STAB1: variants seen among roughly 807,000 people sequenced by gnomAD.
STAB1 encodes the protein stabilin 1.
A neutral mutation model predicts 332.4 loss-of-function variants in STAB1; 250 were observed. That is an observed-to-expected ratio of 0.75 (90% confidence interval 0.68 to 0.84). STAB1 has a LOEUF of 0.84. Ranked by LOEUF, STAB1 falls within the 40% of genes least tolerant of loss-of-function variation. The pLI is 0.00. For missense variants in STAB1, 3,249 were observed against 3,489.7 expected (o/e 0.93, Z 1.74); for synonymous variants, 1,475 against 1,390.4 (o/e 1.06, Z -1.35).
rs1708607836 is a variant in STAB1, at chr3:52,503,522, G to A, written c.873G>A (p.Val291=). The change falls in exon 8 of 69, where the codon GTG becomes GTA. Residue 291 remains valine, a synonymous_variant. Transcript: ENST00000321725. The stretch of plus-strand genomic sequence containing the variant: ...GCCCCAGCAACTCTACTTTGTGTGT[G>A]TACCAGAAGCCGGGCCAGGTGAGCC... ...GGCPSNSTLC[V]YQKPGQAFCT... 1.9e-6 allele frequency: 3 copies of A among 1,613,516 alleles called. No homozygotes were observed. Among genetic ancestry groups the A allele is most frequent in the Non-Finnish European group, 2.5e-6 (3 of 1,179,970 alleles).
At position 52,520,917 on chromosome 3, in the gene STAB1, A is replaced by G; in HGVS notation, c.5820A>G (p.Gln1940=). 1.9e-6 allele frequency: 3 copies of G among 1,601,420 alleles called. No homozygotes were observed. Among genetic ancestry groups the G allele is most frequent in the African/African-American group, 1.3e-5 (1 of 74,670 alleles). Residue 1940 remains glutamine (Q), a synonymous_variant, in exon 55 of 69, where the codon CAA becomes CAG. Coordinates refer to ENST00000321725, the MANE Select transcript of STAB1 (RefSeq NM_015136.3). The stretch of plus-strand genomic sequence containing the variant: ...ACCCCAGCCTTTGGGGTAGGCCCCA[A>G]GGCCTGGGCAGGGGCTGCCACCGCA... ...WVHPSLWGRP[Q]GLGRGCHRNC...
Position 52,518,824 on chromosome 3 carries a change from C to T in STAB1, c.4989C>T (p.Tyr1663=), listed in dbSNP as rs771622439. The change falls in exon 48 of 69, where the codon TAC becomes TAT. Residue 1663 remains tyrosine (Y), a synonymous_variant. Transcript: ENST00000321725. ...LRSEDLLEQG[Y]ATALSGHPLR... The stretch of plus-strand genomic sequence containing the variant: ...GCGAGGACCTGCTGGAGCAGGGGTA[C>T]GCCACGGCCCTCTCAGGGCACCCAC... 28 of 1,609,462 alleles carry T rather than the reference C, an allele frequency of 1.7e-5. No individual in the cohort carries two copies. Among genetic ancestry groups the T allele is most frequent in the Non-Finnish European group, 2.1e-5 (25 of 1,179,426 alleles).
intron 1 of STAB1, among the ~76,000 whole-genome samples, chr3:52,496,000 G>C (rs1003347600): frequency 1.3e-5 from 2 of 152,230 alleles, no homozygotes; most frequent in Non-Finnish European, 2.9e-5. Context: ...TTCAGCCTCA[G>C]AGCTGCCACA....
In STAB1 at chr3:52,513,910, C is replaced by A; in HGVS notation, c.3376C>A (p.Pro1126Thr). Residue 1126 changes from proline to threonine, a missense_variant, in exon 32 of 69, where the codon CCC (proline) becomes ACC (threonine). Coordinates refer to ENST00000321725, the MANE Select transcript of STAB1 (RefSeq NM_015136.3). ...CTTACTGCCCCCCCGAGGGGATGTG[C>A]CCGGTGGGCAGGGGTTGCTGCAGCA... is the stretch of plus-strand genomic sequence containing the variant. The part of the protein sequence containing the change: ...QVLLPPRGDV[P>T]GGQGLLQQLD... 6.2e-7 allele frequency: 1 copy of A among 1,604,910 alleles called. No individual in the cohort carries two copies. Among genetic ancestry groups the A allele is most frequent in the Non-Finnish European group, 8.5e-7 (1 of 1,173,616 alleles).
At chr3:52,516,501 TCCTGGGTCTGAATGA>T (rs767765210) in intron 39 of STAB1, 26 bp from the exon 40 acceptor site, 1 of 1,613,416 alleles carries the variant, frequency 6.2e-7, no homozygotes. Flanking sequence ...AGGAGGCTGT[TCCTGGGTCTGAATGA>T]CCAGAGTCAT....
chr3:52,509,241 G>A lies in STAB1; in HGVS notation c.2267G>A (p.Cys756Tyr). 6.2e-7 allele frequency: 1 copy of A among 1,613,640 alleles called. No homozygotes were observed. The highest frequency in any genetic ancestry group is 8.5e-7 in the Non-Finnish European group (1 of 1,180,004). Residue 756 changes from cysteine to tyrosine, a missense_variant, in exon 22 of 69, where the codon TGC (cysteine) becomes TAC (tyrosine). Transcript: ENST00000321725. Reference protein sequence around the residue: ...CSDGIQGNGACLCFPDYKGIA... With the variant: ...CSDGIQGNGAYLCFPDYKGIA... ...GATGGGATCCAGGGCAATGGGGCCT[G>A]CCTCTGCTTCCCAGACTACAAGGGC...
chr3:52,510,255 C>A lies in STAB1; in HGVS notation c.2628+20C>A. ...GAGAATGTCAGTCCCCTTGCTCCTT[C>A]CCTGAAGTTCTGACCCAGAGGCAGG... On this transcript the variant is annotated intron_variant, in intron 24 of 68. Transcript: ENST00000321725. 1 of 1,614,048 alleles carries A rather than the reference C, an allele frequency of 6.2e-7. No individual in the cohort carries two copies. The highest frequency in any genetic ancestry group is 8.5e-7 in the Non-Finnish European group (1 of 1,180,006).
At position 52,519,436 on chromosome 3, in the gene STAB1, A is replaced by G. The variant is rs368033954; in HGVS notation, c.5175+32A>G. On this transcript the variant is annotated intron_variant, in intron 49 of 68. Transcript: ENST00000321725. ...CAAGCACGGGCCTGGGAGCTGGAAG[A>G]CAGGCAGGTGGGGGCCTGGGATCCT... The G allele has an allele frequency of 8.7e-6, 14 of 1,611,762 alleles. No homozygotes were observed. In the African/African-American group the frequency reaches 1.7e-4, roughly 20 times the overall value.
chr3:52,515,921 T>C, intron 37 of STAB1, 122 bp from the exon 38 acceptor site: 3 of 1,131,806 alleles, frequency 2.7e-6, no homozygotes, highest in Non-Finnish European at 2.4e-6. Flanking sequence ...TGCTCATCCC[T>C]GGGACTGGGG....
rs763139763 is a variant in STAB1, at chr3:52,510,229, A to G, written c.2622A>G (p.Ser874=). 1.2e-5 allele frequency: 19 copies of G among 1,613,960 alleles called. No homozygotes were observed. The Admixed American group carries it at 2.7e-4, about 23-fold the overall frequency. ...PCSHPDRGGC[S]ENAECVPGSL... ...CCCACCCGGACCGTGGAGGCTGCTC[A>G]GAGAATGTCAGTCCCCTTGCTCCTT... is the stretch of plus-strand genomic sequence containing the variant. Residue 874 remains serine, a synonymous_variant, in exon 24 of 69, where the codon TCA becomes TCG. Transcript: ENST00000321725.
In STAB1 at chr3:52,521,713, G is replaced by C. The variant is rs369022432; in HGVS notation, c.6163+13G>C. On this transcript the variant is annotated intron_variant, in intron 57 of 68. Coordinates refer to ENST00000321725, the MANE Select transcript of STAB1 (RefSeq NM_015136.3). ...GAGGTGCAACTGGGTGAGTAGCCCC[G>C]TGCTCGTGCCCACCCTACACACTTG... 4 of 1,611,972 alleles carry C rather than the reference G, an allele frequency of 2.5e-6. No homozygotes were observed. Among genetic ancestry groups the C allele is most frequent in the Non-Finnish European group, 3.4e-6 (4 of 1,179,534 alleles).
chr3:52,522,196 G>A lies in STAB1; in HGVS notation c.6431G>A (p.Cys2144Tyr), dbSNP rs1296654723. The A allele has an allele frequency of 5.0e-6, 8 of 1,612,726 alleles. No homozygotes were observed. The highest frequency in any genetic ancestry group is 1.7e-5 in the Admixed American group (1 of 60,018). The change falls in exon 59 of 69, where the codon TGC becomes TAC. Residue 2144 changes from cysteine (C) to tyrosine (Y), a missense_variant. Coordinates refer to ENST00000321725, the MANE Select transcript of STAB1 (RefSeq NM_015136.3). ...TGCACAGATGGCCACCGCGGGGGCT[G>A]CAGCGAGCACGCCAACTGCTTGAGC... ...NPCTDGHRGG[C>Y]SEHANCLSTG...
intron 1 of STAB1, among the ~76,000 whole-genome samples, chr3:52,497,559 C>G (rs1708131174): frequency 6.6e-6 from 1 of 151,918 alleles, no homozygotes; most frequent in South Asian, 2.1e-4. Flanking sequence ...ACTACAGGCG[C>G]ACACCACCAC....
Position 52,518,901 on chromosome 3 carries a change from T to TCCCGC in STAB1, c.5034+46_5034+50dup, listed in dbSNP as rs759365791. 193 of 1,018,876 alleles carry TCCCGC rather than the reference T, an allele frequency of 1.9e-4. 1 individual carries two copies. Among genetic ancestry groups the TCCCGC allele is most frequent in the South Asian group, 5.7e-4 (38 of 66,882 alleles). The allele number at this position is 1,018,876 out of a possible 1,614,324, so 63.1% of individuals were successfully genotyped here. A position where few individuals can be genotyped will look rare whatever the true frequency, so the allele number is the denominator to read the frequency against. On this transcript the variant is annotated intron_variant, in intron 48 of 68. Transcript: ENST00000321725. ...CCTGGCCCTGGCCTGCCCCGCTCCA[T>TCCCGC]CCCGCCCCGCCCCGCCCCTGCGCGC...
In STAB1 at chr3:52,520,442, C is replaced by T. The variant is rs780702800; in HGVS notation, c.5542C>T (p.Arg1848Trp). ...TGAGGATGATGCTCGCATTGTGCAGCGGCACTTGCCCTTTGAGGGTGGCCT... is the reference window on the plus strand; with the variant it reads ...TGAGGATGATGCTCGCATTGTGCAGTGGCACTTGCCCTTTGAGGGTGGCCT... Reference protein sequence around the residue: ...VGEDDARIVQRHLPFEGGLAY... With the variant: ...VGEDDARIVQWHLPFEGGLAY... Residue 1848 changes from arginine to tryptophan, a missense_variant, in exon 53 of 69, where the codon CGG (arginine) becomes TGG (tryptophan). By Grantham distance (101) the Arg-to-Trp change is moderately radical. Transcript: ENST00000321725. 28 of 1,612,630 alleles carry T rather than the reference C, an allele frequency of 1.7e-5. No homozygotes were observed. Among genetic ancestry groups the T allele is most frequent in the East Asian group, 1.6e-4 (7 of 44,884 alleles).
In STAB1 at chr3:52,522,193, G is replaced by A. The variant is rs774063504; in HGVS notation, c.6428G>A (p.Gly2143Asp). 6 of 1,612,722 alleles carry A rather than the reference G, an allele frequency of 3.7e-6. No homozygotes were observed. Residue 2143 changes from glycine to aspartate, a missense_variant, in exon 59 of 69, where the codon GGC becomes GAC. Physicochemically the swap from Gly to Asp is moderately conservative, Grantham distance 94 (BLOSUM62 -1). Transcript: ENST00000321725. ...CCCTGCACAGATGGCCACCGCGGGGGCTGCAGCGAGCACGCCAACTGCTTG... is the reference window on the plus strand; with the variant it reads ...CCCTGCACAGATGGCCACCGCGGGGACTGCAGCGAGCACGCCAACTGCTTG... ...RNPCTDGHRG[G>D]CSEHANCLST...
rs1230800196 is a variant in STAB1, at chr3:52,511,753, G to A, written c.2883+8G>A. ...GGCGGCTGCCACGGCCTGGTAAGGG[G>A]GTGCAAGGCTCAGAGCCCTGGGGAA... On this transcript the variant is annotated splice_region_variant and intron_variant, in intron 26 of 68. Coordinates refer to ENST00000321725, the MANE Select transcript of STAB1 (RefSeq NM_015136.3). The A allele has an allele frequency of 6.4e-7, 1 of 1,572,774 alleles. No individual in the cohort carries two copies. The highest frequency in any genetic ancestry group is 8.7e-7 in the Non-Finnish European group (1 of 1,155,484).
At position 52,523,501 on chromosome 3, in the gene STAB1, G is replaced by A. The variant is rs776166654; in HGVS notation, c.7215G>A (p.Lys2405=). 1.2e-6 allele frequency: 2 copies of A among 1,612,636 alleles called. No individual in the cohort carries two copies. The highest frequency in any genetic ancestry group is 8.5e-7 in the Non-Finnish European group (1 of 1,179,754). ...TLLSANASQG[K]LLPAHSGLSL... ...TAAGTGCCAACGCCAGCCAGGGGAA[G>A]TTGCTTCCGGCCCACTCAGGCCTCA... The change falls in exon 65 of 69, where the codon AAG becomes AAA. Residue 2405 remains lysine, a synonymous_variant. Transcript: ENST00000321725.
chr3:52,506,239 A>G lies in STAB1; in HGVS notation c.1819A>G (p.Ile607Val), dbSNP rs1211232068. 4 of 1,612,102 alleles carry G rather than the reference A, an allele frequency of 2.5e-6. No individual in the cohort carries two copies. Among genetic ancestry groups the G allele is most frequent in the Non-Finnish European group, 3.4e-6 (4 of 1,179,290 alleles). ...TMANQVLAVN[I>V]SEEGRILLGP... ...GGCGAACCAGGTCCTGGCTGTGAAC[A>G]TTTCTGAGGAGGTGAGGTGCACGGA... is the stretch of plus-strand genomic sequence containing the variant. The change falls in exon 17 of 69, where the codon ATT (isoleucine) becomes GTT (valine). Residue 607 changes from isoleucine to valine, a missense_variant. Coordinates refer to ENST00000321725, the MANE Select transcript of STAB1 (RefSeq NM_015136.3).
Sources: allele counts gnomAD v4.1 joint callset (sites outside exome capture counted in the v4.1 genomes callset), GRCh38; gene constraint gnomAD v4.1.1; transcripts MANE v1.5; gene names NCBI Gene and HGNC (gene_info 2026-07-23, HGNC 2026-07-21).